Variants in TMEM94 observed in about 807,000 individuals in gnomAD.
The protein encoded by TMEM94 is ER Mg2+ ATPase.
In TMEM94, 81 loss-of-function variants were observed where a neutral mutation model predicts 158.6. That is an observed-to-expected ratio of 0.51 (90% CI 0.43 to 0.61). The LOEUF (loss-of-function observed/expected upper bound fraction) is 0.61, where lower values mean the gene tolerates loss of function less well. Ranked by LOEUF, TMEM94 falls within the 20% of genes least tolerant of loss-of-function variation. The pLI is 0.00. For synonymous variants in TMEM94, 751 were observed against 730.7 expected, an observed-to-expected ratio of 1.03 and a Z score of -0.45; for missense variants, 1,435 against 1,762.0, an observed-to-expected ratio of 0.81 and a Z score of 3.32.
Position 75,467,574 on chromosome 17 carries a change from G to A in TMEM94, c.-106-4226G>A, listed in dbSNP as rs1345940024. Among the ~76,000 whole-genome samples, 6 of 133,754 alleles carry A rather than the reference G, an allele frequency of 4.5e-5. No homozygotes were observed. The East Asian group carries it at 1.3e-3, about 29-fold the overall frequency. 87.7% of individuals were successfully genotyped at this position (133,754 alleles called of 152,430 possible). A position where few individuals can be genotyped will look rare whatever the true frequency, so the allele number is the denominator to read the frequency against. ...GGAGTCTCGCTCTGTCGCCCAGGCC[G>A]GACTGCGGACTGCAGTGGCGCAATC... On this transcript the variant is annotated intron_variant, in intron 1 of 31. Coordinates refer to ENST00000314256, the MANE Select transcript of TMEM94 (RefSeq NM_014738.6).
In TMEM94 at chr17:75,485,953, C is replaced by T; in HGVS notation, c.227C>T (p.Ala76Val). 1 of 1,613,544 alleles carries T rather than the reference C, an allele frequency of 6.2e-7. No homozygotes were observed. ...CCGGGGGCCTCACTCATGCTACTGG[C>T]CGTGCTGCTGCTGCTGGGCTGCTGC... ...HWPGASLMLL[A>V]VLLLLGCCGG... The change falls in exon 4 of 32, where the codon GCC (alanine) becomes GTC (valine). Residue 76 changes from alanine to valine, a missense_variant. Transcript: ENST00000314256. This position sits in a 1 kb window ranked among gnomAD's most constrained non-coding sequence, Gnocchi z 5.5.
intron 1 of TMEM94, among the ~76,000 whole-genome samples, chr17:75,462,631 C>G (rs1257329556): frequency 2.0e-5 from 3 of 151,050 alleles, no homozygotes; most frequent in Non-Finnish European, 4.4e-5. Context: ...CGCTTGAGGC[C>G]AGGAGTTCGA....
rs1169125249 is a variant in TMEM94 at position 75,495,561 on chromosome 17, T to C, written c.2862T>C (p.Gly954=). 16 of 1,613,246 alleles carry C rather than the reference T, an allele frequency of 9.9e-6. No homozygotes were observed. Among genetic ancestry groups the C allele is most frequent in the Non-Finnish European group, 1.3e-5 (15 of 1,179,914 alleles). Residue 954 remains glycine (G), a synonymous_variant, in exon 22 of 32, where the codon GGT becomes GGC. Transcript: ENST00000314256. This position sits in a 1 kb window ranked among gnomAD's most constrained non-coding sequence, Gnocchi z 5.6. ...TTCTCCAGGCCAAGCTGCCCCGGGG[T>C]ATCCACCAAGTGCGGCCCCACCTGC... is the stretch of plus-strand genomic sequence containing the variant. The part of the protein sequence containing the change: ...EDSNRAKLPR[G]IHQVRPHLQN...
chr17:75,482,202 C>T (rs1252326666), intron 2 of TMEM94, among the ~76,000 whole-genome samples: 4 of 152,080 alleles, frequency 2.6e-5, no homozygotes, highest in Admixed American at 6.6e-5. Context: ...AAAAATTAGC[C>T]GGGCGTGGCA....
intron 1 of TMEM94, among the ~76,000 whole-genome samples, chr17:75,458,199 A>G (rs1316844588): frequency 1.3e-5 from 2 of 152,182 alleles, no homozygotes; most frequent in Admixed American, 1.3e-4. Context: ...TGTTATTAAC[A>G]GGAACGCGTT....
intron 18 of TMEM94, 135 bp downstream of exon 18, chr17:75,494,051 G>C: frequency 1.2e-6 from 1 of 803,858 alleles, no homozygotes; most frequent in Non-Finnish European, 1.9e-6. Context: ...CCCCAGGCTG[G>C]GACGCCAGTG....
In TMEM94 at chr17:75,489,674, C is replaced by G; in HGVS notation, c.954+12C>G. 1 of 1,605,710 alleles carries G rather than the reference C, an allele frequency of 6.2e-7. No homozygotes were observed. The highest frequency in any genetic ancestry group is 8.5e-7 in the Non-Finnish European group (1 of 1,172,642). ...TCCTCCAGCTCCAGGCAAGGACCAC[C>G]CTGTCCTCTCTGTCATGCTTCCCTC... On this transcript the variant is annotated intron_variant, in intron 9 of 31. Transcript: ENST00000314256. The surrounding 1 kb of genome is among the most constrained non-coding windows in gnomAD (Gnocchi z 5.0).
chr17:75,481,220 G>A (rs1220299288), intron 2 of TMEM94, among the ~76,000 whole-genome samples: 1 of 152,266 alleles, frequency 6.6e-6, no homozygotes, highest in Non-Finnish European at 1.5e-5. Context: ...GAGGCCTCAG[G>A]ATCCTTGCCA....
intron 26 of TMEM94, among the ~76,000 whole-genome samples, chr17:75,497,463 C>T (rs1440867137): frequency 6.6e-6 from 1 of 150,926 alleles, no homozygotes; most frequent in African/African-American, 2.5e-5. Context: ...AAGTGATTCT[C>T]CTGCCTCAGC....
In TMEM94 at chr17:75,485,773, C is replaced by G; in HGVS notation, c.145-98C>G. The G allele has an allele frequency of 2.7e-6, 4 of 1,459,196 alleles. No homozygotes were observed. Among genetic ancestry groups the G allele is most frequent in the Non-Finnish European group, 3.7e-6 (4 of 1,087,424 alleles). The allele number at this position is 1,459,196 out of a possible 1,614,324, so 90.4% of individuals were successfully genotyped here. A position where few individuals can be genotyped will look rare whatever the true frequency, so the allele number is the denominator to read the frequency against. On this transcript the variant is annotated intron_variant, in intron 3 of 31. Coordinates refer to ENST00000314256, the MANE Select transcript of TMEM94 (RefSeq NM_014738.6). The surrounding 1 kb of genome is among the most constrained non-coding windows in gnomAD (Gnocchi z 5.5). ...CCCAGCCGAGGTCAAAGAGAGGGGA[C>G]CAAGGCGGCCATGGGGGCTGGGAAG...
intron 1 of TMEM94, among the ~76,000 whole-genome samples, chr17:75,461,259 C>T (rs927965119): frequency 4.6e-5 from 7 of 151,858 alleles, no homozygotes; most frequent in African/African-American, 1.5e-4. Context: ...ACTACCGTGC[C>T]CGGCTAATTT....
At chr17:75,457,114 C>G (rs1257749149) in intron 1 of TMEM94, among the ~76,000 whole-genome samples, 4 of 152,206 alleles carry the variant, frequency 2.6e-5, no homozygotes, top group Non-Finnish European at 4.4e-5. Context: ...TTCGAGGCCC[C>G]TGGGAGTCCT....
Position 75,495,547 on chromosome 17 carries a change from A to G in TMEM94, c.2848A>G (p.Lys950Glu), listed in dbSNP as rs2052600038. 1 of 1,613,308 alleles carries G rather than the reference A, an allele frequency of 6.2e-7. No homozygotes were observed. The highest frequency in any genetic ancestry group is 8.5e-7 in the Non-Finnish European group (1 of 1,179,968). The change falls in exon 22 of 32, where the codon AAG (lysine) becomes GAG (glutamate). Residue 950 changes from lysine (K) to glutamate (E), a missense_variant. This residue lies in a region of TMEM94 where 1,051 missense variants were observed against 1,254.4 expected (regional missense o/e 0.84). Transcript: ENST00000314256. The surrounding 1 kb of genome is among the most constrained non-coding windows in gnomAD (Gnocchi z 5.6). Reference protein sequence around the residue: ...PSFLEDSNRAKLPRGIHQVRP... With the variant: ...PSFLEDSNRAELPRGIHQVRP... Reference sequence around the variant, plus strand: ...CTGGCATCTCTGCTTTCTCCAGGCCAAGCTGCCCCGGGGTATCCACCAAGT... The same window carrying G: ...CTGGCATCTCTGCTTTCTCCAGGCCGAGCTGCCCCGGGGTATCCACCAAGT...
intron 1 of TMEM94, among the ~76,000 whole-genome samples, chr17:75,464,586 T>TTTTC (rs1203434680): frequency 0.012 from 771 of 63,912 alleles, 21 homozygotes; most frequent in Non-Finnish European, 0.02. Flanking sequence ...TATTTTTTCA[T>TTTTC]TTTCTTTCTT....
rs747523071 is a variant in TMEM94 at position 75,491,465 on chromosome 17, G to T, written c.1386+10G>T. ...CTTCTGCCATCCCGAGGTAGAGGAG[G>T]AGGTACGGCCGGCTCCCATGGGCCC... is the stretch of plus-strand genomic sequence containing the variant. On this transcript the variant is annotated intron_variant, in intron 13 of 31. Transcript: ENST00000314256. The surrounding 1 kb of genome is among the most constrained non-coding windows in gnomAD (Gnocchi z 5.1). 1.9e-6 allele frequency: 3 copies of T among 1,614,048 alleles called. No homozygotes were observed. Among genetic ancestry groups the T allele is most frequent in the South Asian group, 1.1e-5 (1 of 91,080 alleles).
chr17:75,479,172 T>C (rs2050954600), intron 2 of TMEM94, among the ~76,000 whole-genome samples: 1 of 151,972 alleles, frequency 6.6e-6, no homozygotes, highest in Non-Finnish European at 1.5e-5. Context: ...TGAGGCACAA[T>C]GAGCAAGAAA....
intron 1 of TMEM94, among the ~76,000 whole-genome samples, chr17:75,460,685 G>A (rs2050034664): frequency 6.6e-6 from 1 of 151,864 alleles, no homozygotes; most frequent in African/African-American, 2.4e-5. Flanking sequence ...GCTAATTTTT[G>A]TATTTTTTAC....
At chr17:75,467,166 G>C (rs1315727634) in intron 1 of TMEM94, among the ~76,000 whole-genome samples, 4 of 151,516 alleles carry the variant, frequency 2.6e-5, no homozygotes, top group African/African-American at 9.7e-5. Context: ...GTAGAGATGG[G>C]GTTTCACCAT....
At chr17:75,457,001 G>C (rs1416043673) in intron 1 of TMEM94, among the ~76,000 whole-genome samples, 1 of 152,126 alleles carries the variant, frequency 6.6e-6, no homozygotes, top group Non-Finnish European at 1.5e-5. Context: ...GGGGTCTCTC[G>C]CCAGAAATAA....
Sources: gnomAD v4.1 joint callset for allele counts (sites outside exome capture counted in the v4.1 genomes callset) on GRCh38, gnomAD v4.1.1 for gene constraint, gnomAD v4.1.1 regional missense constraint, Gnocchi (gnomAD v3.1) non-coding constraint, MANE v1.5 for transcripts, NCBI Gene and HGNC (gene_info 2026-07-23, HGNC 2026-07-21) for gene names.